Variants in LRRC20 observed in about 807,000 individuals in gnomAD.
LRRC20 encodes the protein leucine rich repeat containing 20, also known as leucine-rich repeat-containing protein 20.
A neutral mutation model predicts 14.4 loss-of-function variants in LRRC20; 11 were observed. That is an observed-to-expected ratio of 0.77 (90% confidence interval 0.48 to 1.27). The LOEUF is 1.27. Ranked by LOEUF, LRRC20 falls within the 50% of genes most tolerant of loss-of-function variation. The probability of loss-of-function intolerance (pLI) is 0.00; values close to 1 mark genes in which losing one functional copy is unlikely to be tolerated. For synonymous variants in LRRC20, 121 were observed against 107.3 expected (o/e 1.13, Z -0.79); for missense variants, 219 against 251.2 (o/e 0.87, Z 0.87).
intron 2 of LRRC20, among the ~76,000 whole-genome samples, chr10:70,356,910 C>T (rs1564638071): frequency 6.6e-6 from 1 of 152,096 alleles, no homozygotes; most frequent in Admixed American, 6.6e-5. Context: ...TATAAATGTT[C>T]ACAGCAGCAT....
chr10:70,362,117 G>A (rs796498012), intron 2 of LRRC20, among the ~76,000 whole-genome samples: 87 of 152,314 alleles, frequency 5.7e-4, no homozygotes, highest in African/African-American at 1.9e-3. Flanking sequence ...CCCAGGAGGC[G>A]GAGGTTGCAG....
chr10:70,307,368 T>G (rs920638337), intron 4 of LRRC20, among the ~76,000 whole-genome samples: 1 of 152,212 alleles, frequency 6.6e-6, no homozygotes, highest in South Asian at 2.1e-4. Context: ...CAAGACTGAT[T>G]GCTCTGTCAA....
intron 4 of LRRC20, among the ~76,000 whole-genome samples, chr10:70,323,526 A>G (rs1292154730): frequency 6.6e-6 from 1 of 152,178 alleles, no homozygotes; most frequent in Non-Finnish European, 1.5e-5. Context: ...AAAAGTACAC[A>G]GAGGGCCAGA....
intron 3 of LRRC20, among the ~76,000 whole-genome samples, chr10:70,339,041 T>C (rs1227642368): frequency 1.3e-4 from 20 of 152,152 alleles, no homozygotes. Flanking sequence ...CTGTGCTCTG[T>C]GTTTAACCAT....
At chr10:70,325,126 AGAAT>A (rs1216480178) in intron 3 of LRRC20, among the ~76,000 whole-genome samples, 3 of 152,162 alleles carry the variant, frequency 2.0e-5, no homozygotes, top group Non-Finnish European at 4.4e-5. Flanking sequence ...AGTAACCTGA[AGAAT>A]GTCCCCCAGT....
chr10:70,299,870 A>T lies in LRRC20; in HGVS notation c.*1484T>A, dbSNP rs999398611. The T allele has an allele frequency of 3.3e-5, 5 of 152,276 alleles. No individual in the cohort carries two copies. The highest frequency in any genetic ancestry group is 7.3e-5 in the Non-Finnish European group (5 of 68,094). The allele number at this position is 152,276 out of a possible 1,614,324, so 9.4% of individuals were successfully genotyped here. A position where few individuals can be genotyped will look rare whatever the true frequency, so the allele number is the denominator to read the frequency against. The stretch of plus-strand genomic sequence containing the variant: ...ATACTGAGCGCTCAGTGATGGCCCA[A>T]CAATGGCCCGACCTATCAGTTCCTT... On this transcript the variant is annotated 3_prime_UTR_variant, in exon 5 of 5. Coordinates refer to ENST00000446961, the MANE Select transcript of LRRC20 (RefSeq NM_001278212.2).
chr10:70,348,444 GAAT>G (rs1316239848), intron 2 of LRRC20, among the ~76,000 whole-genome samples: 1 of 152,218 alleles, frequency 6.6e-6, no homozygotes, highest in African/African-American at 2.4e-5. Context: ...CGGGGGATGG[GAAT>G]AATAACAACC....
chr10:70,382,075 G>T (rs564574296), intron 1 of LRRC20, among the ~76,000 whole-genome samples: 1 of 152,330 alleles, frequency 6.6e-6, no homozygotes, highest in Admixed American at 6.5e-5. Flanking sequence ...GATCGCAGAG[G>T]CCCCGGGGCT....
At chr10:70,327,871 T>A (rs1842387557) in intron 3 of LRRC20, among the ~76,000 whole-genome samples, 1 of 152,148 alleles carries the variant, frequency 6.6e-6, no homozygotes, top group Non-Finnish European at 1.5e-5. Flanking sequence ...CTGTCCTGTC[T>A]CATGGGCTCT....
intron 2 of LRRC20, among the ~76,000 whole-genome samples, chr10:70,370,321 C>G (rs1242235587): frequency 6.6e-6 from 1 of 152,172 alleles, no homozygotes; most frequent in Non-Finnish European, 1.5e-5. Context: ...CCCTGCGACC[C>G]AGGATTACAC....
At chr10:70,358,119 C>T (rs1416037861) in intron 2 of LRRC20, among the ~76,000 whole-genome samples, 2 of 152,212 alleles carry the variant, frequency 1.3e-5, no homozygotes, top group African/African-American at 2.4e-5. Context: ...TCCAGAAACC[C>T]GGATCTGCTG....
chr10:70,346,565 T>C (rs1049545505), intron 2 of LRRC20, among the ~76,000 whole-genome samples: 5 of 152,218 alleles, frequency 3.3e-5, no homozygotes, highest in Non-Finnish European at 7.3e-5. Context: ...GGTGTGTTGA[T>C]TGTTTCTCTT....
chr10:70,333,617 G>T (rs941190047), intron 3 of LRRC20, among the ~76,000 whole-genome samples: 1 of 152,212 alleles, frequency 6.6e-6, no homozygotes. Context: ...CCATGCAGGG[G>T]TCACAAACAG....
chr10:70,305,207 A>G (rs182657659), intron 4 of LRRC20, among the ~76,000 whole-genome samples: 3 of 152,316 alleles, frequency 2.0e-5, no homozygotes, highest in Admixed American at 2.0e-4. Context: ...ATAAAAAGGA[A>G]GAAACTTCAG....
intron 4 of LRRC20, 125 bp from the exon 5 acceptor site, chr10:70,301,633 T>C (rs1220339656): frequency 1.0e-4 from 119 of 1,167,306 alleles, no homozygotes; most frequent in Middle Eastern, 6.3e-4. Flanking sequence ...CCACTGCACG[T>C]GGGCTCAGCT....
intron 2 of LRRC20, among the ~76,000 whole-genome samples, chr10:70,343,073 C>A (rs4747007): frequency 0.81 from 123,617 of 152,142 alleles, 50,380 homozygotes; most frequent in Admixed American, 0.88. Context: ...ACAATTGAAG[C>A]CTTTCTCCCT....
At chr10:70,322,755 T>TGTTGCCGCGGTGCCAG (rs903543509) in intron 4 of LRRC20, among the ~76,000 whole-genome samples, 1 of 152,102 alleles carries the variant, frequency 6.6e-6, no homozygotes, top group African/African-American at 2.4e-5. Flanking sequence ...AGTCTCACTG[T>TGTTGCCGCGGTGCCAG]GCAACCCGAT....
intron 3 of LRRC20, among the ~76,000 whole-genome samples, chr10:70,328,478 C>T (rs9730911): frequency 0.14 from 20,827 of 152,046 alleles, 1,505 homozygotes; most frequent in South Asian, 0.19. Context: ...TGGATTTTTA[C>T]GAGAGACAGG....
At chr10:70,366,434 AT>A (rs1318386528) in intron 2 of LRRC20, among the ~76,000 whole-genome samples, 8 of 152,120 alleles carry the variant, frequency 5.3e-5, no homozygotes, top group African/African-American at 4.8e-5. Flanking sequence ...CAAAAAAAAA[AT>A]AAAATAAAAT....
Sources: gnomAD v4.1 joint callset for allele counts (sites outside exome capture counted in the v4.1 genomes callset) on GRCh38, gnomAD v4.1.1 for gene constraint, MANE v1.5 for transcripts, NCBI Gene and HGNC (gene_info 2026-07-23, HGNC 2026-07-21) for gene names.